TEAD1: variants seen among roughly 807,000 people sequenced by gnomAD.
The protein encoded by TEAD1 is transcriptional enhancer factor TEF-1.
TEAD1 carries 9 observed loss-of-function variants against 54.9 expected under a neutral mutation model. The observed-to-expected ratio is 0.16, with a 90% confidence interval of 0.10 to 0.29. The LOEUF is 0.29. Among genes scored for constraint, TEAD1 ranks in the 10% least tolerant of loss-of-function variants. The pLI is 1.00. For missense variants in TEAD1, 387 were observed against 535.9 expected (o/e 0.72, Z 2.74); for synonymous variants, 200 against 187.8 (o/e 1.07, Z -0.53).
intron 5 of TEAD1, chr11:12,878,878 A>G: frequency 7.8e-7 from 1 of 1,283,894 alleles, no homozygotes; most frequent in African/African-American, 1.5e-5. Context: ...ATTGTTTATT[A>G]TTGTATCCAG....
chr11:12,932,414 T>TG (rs35618237), intron 12 of TEAD1, among the ~76,000 whole-genome samples: 29,646 of 152,002 alleles, frequency 0.2, 3,032 homozygotes, highest in Admixed American at 0.24. Flanking sequence ...CTGCCTCTCT[T>TG]GGGGGGGAGT....
In TEAD1 at chr11:12,922,319, C is replaced by T. The variant is rs1190725785; in HGVS notation, c.874-2593C>T. On this transcript the variant is annotated intron_variant, in intron 10 of 12. Coordinates refer to ENST00000527636, the MANE Select transcript of TEAD1 (RefSeq NM_021961.6). ...TCACGCCATTCTCCTGCCTCAGCCT[C>T]CCAAGTAGCTGGGACTACAGGCGCC... 30 of 105,662 alleles carry T rather than the reference C, an allele frequency of 2.8e-4. 6 individuals are homozygous for T. Among genetic ancestry groups the T allele is most frequent in the African/African-American group, 1.0e-3 (27 of 27,096 alleles). The allele number at this position is 105,662 out of a possible 1,614,324, so 6.5% of individuals were successfully genotyped here.
Position 12,826,576 on chromosome 11 carries a change from C to T in TEAD1, c.203-35674C>T, listed in dbSNP as rs560643055. Among the ~76,000 whole-genome samples the T allele has an allele frequency of 9.9e-5, 15 of 152,276 alleles. No individual in the cohort carries two copies. In the South Asian group the frequency reaches 2.7e-3, roughly 27 times the overall value. ...AAATTAGCATGGGATTTGAAATCAA[C>T]CTGTTTGGGTTCAAATCATGGTTCA... On this transcript the variant is annotated intron_variant, in intron 3 of 12. Coordinates refer to ENST00000527636, the MANE Select transcript of TEAD1 (RefSeq NM_021961.6).
intron 9 of TEAD1, among the ~76,000 whole-genome samples, chr11:12,890,037 A>G (rs542189634): frequency 5.3e-5 from 8 of 152,262 alleles, no homozygotes; most frequent in African/African-American, 1.4e-4. Context: ...ACTTATTTAT[A>G]TATTATGTCA....
intron 3 of TEAD1, among the ~76,000 whole-genome samples, chr11:12,808,497 C>T (rs1174072299): frequency 1.3e-5 from 2 of 151,118 alleles, no homozygotes; most frequent in African/African-American, 2.4e-5. Context: ...TTGTTTTTTT[C>T]CCTTGCAAAA....
At chr11:12,767,327 T>C (rs1016301841) in intron 3 of TEAD1, among the ~76,000 whole-genome samples, 5 of 152,240 alleles carry the variant, frequency 3.3e-5, no homozygotes, top group Admixed American at 2.0e-4. Flanking sequence ...ATACTTTTTT[T>C]CTAAGGGTTC....
chr11:12,925,813 G>A (rs1365821854), intron 11 of TEAD1, among the ~76,000 whole-genome samples: 1 of 152,158 alleles, frequency 6.6e-6, no homozygotes, highest in Non-Finnish European at 1.5e-5. Context: ...ACGTCAAGGT[G>A]GTACTCAGCT....
intron 3 of TEAD1, among the ~76,000 whole-genome samples, chr11:12,813,868 C>G (rs11601224): frequency 0.064 from 9,747 of 152,086 alleles, 448 homozygotes; most frequent in Non-Finnish European, 0.099. Flanking sequence ...CCTCCTACAC[C>G]TTGAGTCACC....
intron 11 of TEAD1, among the ~76,000 whole-genome samples, chr11:12,929,724 C>T (rs537737720): frequency 2.6e-5 from 4 of 152,166 alleles, no homozygotes; most frequent in South Asian, 2.1e-4. Context: ...TTCAGGGGCT[C>T]ATGATCCGTG....
chr11:12,881,077 G>A, intron 7 of TEAD1, 26 bp downstream of exon 7: 3 of 1,613,708 alleles, frequency 1.9e-6, no homozygotes, highest in Non-Finnish European at 2.5e-6. Flanking sequence ...GGTGGGCACT[G>A]ACAACTACGG....
At chr11:12,728,319 C>CTAA (rs140784853) in intron 2 of TEAD1, among the ~76,000 whole-genome samples, 3,323 of 152,258 alleles carry the variant, frequency 0.022, 48 homozygotes, top group Non-Finnish European at 0.035. Context: ...CCAGGGGTCT[C>CTAA]TAACACCGTG....
intron 2 of TEAD1, among the ~76,000 whole-genome samples, chr11:12,695,812 G>A (rs900926740): frequency 1.3e-5 from 2 of 152,162 alleles, no homozygotes; most frequent in Admixed American, 6.5e-5. Context: ...GCCCCAGAAG[G>A]CTTGAGTTCT....
chr11:12,780,932 C>T (rs1164029001), intron 3 of TEAD1, among the ~76,000 whole-genome samples: 1 of 152,166 alleles, frequency 6.6e-6, no homozygotes, highest in Non-Finnish European at 1.5e-5. Context: ...AGGACTCACA[C>T]TTTGTGATTT....
chr11:12,891,012 G>C (rs1477106845), intron 9 of TEAD1, among the ~76,000 whole-genome samples: 1 of 152,148 alleles, frequency 6.6e-6, no homozygotes, highest in Non-Finnish European at 1.5e-5. Flanking sequence ...TGATTTGCCT[G>C]CCTCAGCCTC....
At position 12,832,872 on chromosome 11, in the gene TEAD1, A is replaced by G. The variant is rs964968674; in HGVS notation, c.203-29378A>G. Among the ~76,000 whole-genome samples, 6 of 151,642 alleles carry G rather than the reference A, an allele frequency of 4.0e-5. No individual in the cohort carries two copies. The East Asian group carries it at 1.2e-3, about 29-fold the overall frequency. On this transcript the variant is annotated intron_variant, in intron 3 of 12. Coordinates refer to ENST00000527636, the MANE Select transcript of TEAD1 (RefSeq NM_021961.6). ...TAACCCTCTGTCTGATTTGTACTGCAGGCACCTGCTAGTGCAGTCTTAGCA... is the reference window on the plus strand; with the variant it reads ...TAACCCTCTGTCTGATTTGTACTGCGGGCACCTGCTAGTGCAGTCTTAGCA...
At chr11:12,849,848 G>T (rs537234957) in intron 3 of TEAD1, among the ~76,000 whole-genome samples, 1 of 152,184 alleles carries the variant, frequency 6.6e-6, no homozygotes, top group Admixed American at 6.5e-5. Context: ...TAAAAGATTT[G>T]TGCCCTCTTA....
At chr11:12,678,167 ATG>A (rs765062643) in intron 2 of TEAD1, among the ~76,000 whole-genome samples, 19 of 152,246 alleles carry the variant, frequency 1.2e-4, no homozygotes, top group Non-Finnish European at 2.2e-4. Flanking sequence ...AGACTGAAGA[ATG>A]TGGCCAAAAG....
chr11:12,887,928 G>A (rs1253480132), intron 9 of TEAD1, among the ~76,000 whole-genome samples: 4 of 152,150 alleles, frequency 2.6e-5, no homozygotes, highest in African/African-American at 9.7e-5. Flanking sequence ...AGACAGACAT[G>A]TACATATGTT....
chr11:12,686,704 T>C (rs1327931626), intron 2 of TEAD1, among the ~76,000 whole-genome samples: 1 of 152,198 alleles, frequency 6.6e-6, no homozygotes, highest in African/African-American at 2.4e-5. Flanking sequence ...TGATGTCCTA[T>C]GATGCACCTA....
Sources: gnomAD v4.1 joint callset for allele counts (sites outside exome capture counted in the v4.1 genomes callset) on GRCh38, gnomAD v4.1.1 for gene constraint, MANE v1.5 for transcripts, NCBI Gene and HGNC (gene_info 2026-07-23, HGNC 2026-07-21) for gene names.